The following FOXP1 variants were observed in gnomAD, a reference collection of about 807,000 sequenced individuals.
The protein encoded by FOXP1 is forkhead box protein P1.
A neutral mutation model predicts 98.2 loss-of-function variants in FOXP1; 15 were observed. The ratio of observed to expected loss-of-function variants is 0.15; its 90% CI spans 0.10 to 0.24. The LOEUF is 0.24. Ranked by LOEUF, FOXP1 falls within the 10% of genes least tolerant of loss-of-function variation. The probability of loss-of-function intolerance (pLI) is 1.00; values close to 1 mark genes in which losing one functional copy is unlikely to be tolerated. For synonymous variants in FOXP1, 371 were observed against 314.5 expected, an observed-to-expected ratio of 1.18 and a Z score of -1.90; for missense variants, 633 against 848.5, an observed-to-expected ratio of 0.75 and a Z score of 3.15.
chr3:71,117,925 C>A (rs1053798473), intron 6 of FOXP1, among the ~76,000 whole-genome samples: 1 of 152,202 alleles, frequency 6.6e-6, no homozygotes, highest in Non-Finnish European at 1.5e-5. Flanking sequence ...CAGTTGCACA[C>A]ATTCACATTT....
At chr3:71,037,546 T>C (rs1457582196) in intron 11 of FOXP1, among the ~76,000 whole-genome samples, 1 of 152,166 alleles carries the variant, frequency 6.6e-6, no homozygotes. Flanking sequence ...AGCAAGAGGC[T>C]TGAATGCACC....
At chr3:70,970,893 CTTCCAAATGAGCAA>C (rs1426295000) in intron 18 of FOXP1, 88 bp from the exon 19 acceptor site, 3 of 1,014,154 alleles carry the variant, frequency 3.0e-6, no homozygotes, top group Non-Finnish European at 4.7e-6. Context: ...TGCTGGTGCC[CTTCCAAATGAGCAA>C]TTTCCCCCAC....
chr3:71,240,974 G>C (rs1201263242), intron 5 of FOXP1, among the ~76,000 whole-genome samples: 1 of 151,688 alleles, frequency 6.6e-6, no homozygotes, highest in Non-Finnish European at 1.5e-5. Flanking sequence ...ACTTTGGGAG[G>C]CTTAGGCGGG....
At chr3:71,290,923 G>A (rs937230341) in intron 5 of FOXP1, among the ~76,000 whole-genome samples, 1 of 152,152 alleles carries the variant, frequency 6.6e-6, no homozygotes, top group African/African-American at 2.4e-5. Flanking sequence ...TACTCAACCT[G>A]TACTCTTCCC....
intron 6 of FOXP1, among the ~76,000 whole-genome samples, chr3:71,146,546 AAT>A (rs1286999450): frequency 6.6e-6 from 1 of 152,234 alleles, no homozygotes; most frequent in Admixed American, 6.5e-5. Flanking sequence ...TTGAACAAAA[AAT>A]GTTTGTGGAC....
intron 3 of FOXP1, among the ~76,000 whole-genome samples, chr3:71,426,557 T>G (rs556463029): frequency 1.2e-3 from 190 of 152,318 alleles, no homozygotes; most frequent in Middle Eastern, 6.8e-3. Flanking sequence ...TGTGGCTATA[T>G]GAAGGAAAAA....
intron 3 of FOXP1, among the ~76,000 whole-genome samples, chr3:71,398,196 A>G (rs2081683568): frequency 6.6e-6 from 1 of 152,238 alleles, no homozygotes; most frequent in Non-Finnish European, 1.5e-5. Context: ...TTTCCTTAGA[A>G]GCATCTATCT....
chr3:71,189,583 T>C (rs183991511), intron 6 of FOXP1, among the ~76,000 whole-genome samples: 1 of 152,342 alleles, frequency 6.6e-6, no homozygotes, highest in East Asian at 1.9e-4. Flanking sequence ...TTCTTCCCCA[T>C]GCCTCTCTCT....
At chr3:71,146,212 G>A (rs1405523149) in intron 6 of FOXP1, among the ~76,000 whole-genome samples, 1 of 152,158 alleles carries the variant, frequency 6.6e-6, no homozygotes, top group Non-Finnish European at 1.5e-5. Flanking sequence ...ATGTCTTCCC[G>A]TCCTCTGTTT....
At chr3:70,989,193 G>A (rs1001820881) in intron 13 of FOXP1, among the ~76,000 whole-genome samples, 1 of 152,110 alleles carries the variant, frequency 6.6e-6, no homozygotes, top group East Asian at 1.9e-4. Flanking sequence ...GACAGGGGTC[G>A]GGGATTGTGG....
chr3:71,141,193 G>A (rs936479025), intron 6 of FOXP1, among the ~76,000 whole-genome samples: 6 of 150,660 alleles, frequency 4.0e-5, no homozygotes, highest in African/African-American at 4.9e-5. Flanking sequence ...AGTTGAACCC[G>A]GAAGGTGGAG....
chr3:71,517,856 T>C (rs559161816), intron 2 of FOXP1, among the ~76,000 whole-genome samples: 1 of 152,350 alleles, frequency 6.6e-6, no homozygotes, highest in Admixed American at 6.5e-5. Context: ...CTACATCTAA[T>C]GTTGCCTGCA....
At position 71,036,330 on chromosome 3, in the gene FOXP1, G is replaced by T. The variant is rs1176826724; in HGVS notation, c.869+4998C>A. Among the ~76,000 whole-genome samples, 3 of 152,164 alleles carry T rather than the reference G, an allele frequency of 2.0e-5. No homozygotes were observed. In the East Asian group the frequency reaches 5.8e-4, roughly 29 times the overall value. On this transcript the variant is annotated intron_variant, in intron 11 of 20. Transcript: ENST00000649528. Reference sequence around the variant, plus strand: ...TAAACCTCATAGAGTAAAGCGCCCAGTGTGCGTCCCCTGTTTCTAATATGA... The same window carrying T: ...TAAACCTCATAGAGTAAAGCGCCCATTGTGCGTCCCCTGTTTCTAATATGA...
At chr3:71,560,849 G>A (rs570357324) in intron 2 of FOXP1, among the ~76,000 whole-genome samples, 1 of 152,232 alleles carries the variant, frequency 6.6e-6, no homozygotes, top group African/African-American at 2.4e-5. Flanking sequence ...ATCCAGAATA[G>A]GCAAACCTAT....
intron 2 of FOXP1, among the ~76,000 whole-genome samples, chr3:71,565,037 T>G (rs1169499104): frequency 6.6e-6 from 1 of 152,086 alleles, no homozygotes; most frequent in African/African-American, 2.4e-5. Flanking sequence ...GAGGCGAGGT[T>G]GCAGGGAGCC....
intron 7 of FOXP1, among the ~76,000 whole-genome samples, chr3:71,111,641 C>G (rs1390587463): frequency 6.6e-6 from 1 of 152,120 alleles, no homozygotes; most frequent in East Asian, 1.9e-4. Flanking sequence ...TCAAGTGATC[C>G]GCCTGCCTCA....
intron 4 of FOXP1, among the ~76,000 whole-genome samples, chr3:71,345,871 TAAA>T (rs71120316): frequency 0.086 from 4,709 of 54,910 alleles, 238 homozygotes; most frequent in Non-Finnish European, 0.097. Flanking sequence ...AAAGTTTTTG[TAAA>T]AAAAAAAAAA....
chr3:70,975,870 T>C (rs1214919524), intron 17 of FOXP1, among the ~76,000 whole-genome samples: 2 of 152,150 alleles, frequency 1.3e-5, no homozygotes, highest in African/African-American at 4.8e-5. Flanking sequence ...CAGTGGAATC[T>C]TTGAGCCAGC....
chr3:71,529,097 C>A (rs2043623550), intron 2 of FOXP1, among the ~76,000 whole-genome samples: 1 of 152,174 alleles, frequency 6.6e-6, no homozygotes, highest in South Asian at 2.1e-4. Flanking sequence ...AACCAAAAGT[C>A]AAACCTCCTG....
Sources: allele counts gnomAD v4.1 joint callset (sites outside exome capture counted in the v4.1 genomes callset), GRCh38; gene constraint gnomAD v4.1.1; transcripts MANE v1.5; gene names NCBI Gene and HGNC (gene_info 2026-07-23, HGNC 2026-07-21).